Variants in VPS8 observed in about 807,000 individuals in gnomAD.
VPS8 encodes vacuolar protein sorting-associated protein 8 homolog.
A neutral mutation model predicts 216.4 loss-of-function variants in VPS8; 129 were observed. That is an observed-to-expected ratio of 0.60 (90% CI 0.52 to 0.69). The LOEUF (loss-of-function observed/expected upper bound fraction) is 0.69, where lower values mean the gene tolerates loss of function less well. VPS8 is among the 30% of genes least tolerant of loss of function. The pLI is 0.00. For synonymous variants in VPS8, 571 were observed against 565.4 expected, an observed-to-expected ratio of 1.01 and a Z score of -0.14; for missense variants, 1,531 against 1,683.5, an observed-to-expected ratio of 0.91 and a Z score of 1.59.
chr3:185,021,648 A>G (rs1367879076), intron 45 of VPS8, among the ~76,000 whole-genome samples: 1 of 152,208 alleles, frequency 6.6e-6, no homozygotes, highest in African/African-American at 2.4e-5. Context: ...TGTCAAGTCT[A>G]ATTTTTGCAG....
At chr3:184,845,832 A>C (rs1723022401) in intron 8 of VPS8, among the ~76,000 whole-genome samples, 2 of 151,872 alleles carry the variant, frequency 1.3e-5, no homozygotes, top group South Asian at 4.1e-4. Context: ...AAAGTAGATT[A>C]CATTTGTTAC....
In VPS8 at chr3:184,830,523, A is replaced by G. The variant is rs533739468; in HGVS notation, c.223-2166A>G. Among the ~76,000 whole-genome samples, 6 of 152,122 alleles carry G rather than the reference A, an allele frequency of 3.9e-5. No individual in the cohort carries two copies. In the South Asian group the frequency reaches 1.0e-3, roughly 26 times the overall value. On this transcript the variant is annotated intron_variant, in intron 3 of 47. Coordinates refer to ENST00000625842, the MANE Select transcript of VPS8 (RefSeq NM_001009921.3). Reference sequence around the variant, plus strand: ...GAAAGGATTGTGCAGTTTTTTTCACATCAGTTTGGGGATAATTGATACTTT... The same window carrying G: ...GAAAGGATTGTGCAGTTTTTTTCACGTCAGTTTGGGGATAATTGATACTTT...
intron 3 of VPS8, among the ~76,000 whole-genome samples, chr3:184,830,311 A>G (rs1719718718): frequency 6.6e-6 from 1 of 152,230 alleles, no homozygotes; most frequent in South Asian, 2.1e-4. Context: ...TCGATCTCAC[A>G]TTCTAGTGAT....
In VPS8 at chr3:184,990,601, A is replaced by G. The variant is rs376457853; in HGVS notation, c.3586-3382A>G. ...TCATGTATCTCATGAGAAAAGTGCC[A>G]CTCAGAAAGATCAAATAATTTGTCT... is the stretch of plus-strand genomic sequence containing the variant. On this transcript the variant is annotated intron_variant, in intron 42 of 47. Transcript: ENST00000625842. Among the ~76,000 whole-genome samples the G allele has an allele frequency of 3.0e-4, 45 of 152,334 alleles. No individual in the cohort carries two copies. In the South Asian group the frequency reaches 9.3e-3, roughly 32 times the overall value.
chr3:184,957,792 T>A (rs1745862379), intron 37 of VPS8, among the ~76,000 whole-genome samples: 1 of 152,132 alleles, frequency 6.6e-6, no homozygotes, highest in Non-Finnish European at 1.5e-5. Context: ...AAACTGTATT[T>A]TAACAAAGAG....
chr3:185,012,751 T>C (rs1755202599), intron 45 of VPS8, among the ~76,000 whole-genome samples: 1 of 152,054 alleles, frequency 6.6e-6, no homozygotes, highest in South Asian at 2.1e-4. Context: ...GTATGTGACA[T>C]TCCTTGCCAA....
At chr3:184,914,403 A>T (rs1221194743) in intron 26 of VPS8, among the ~76,000 whole-genome samples, 1 of 152,218 alleles carries the variant, frequency 6.6e-6, no homozygotes, top group East Asian at 1.9e-4. Flanking sequence ...TGTTCAGATG[A>T]CATTTGTAGT....
At chr3:184,940,382 TACAC>T in intron 36 of VPS8, 139 bp downstream of exon 36, 1 of 269,564 alleles carries the variant, frequency 3.7e-6, no homozygotes, top group Middle Eastern at 1.3e-3. Flanking sequence ...GAGCAACTGT[TACAC>T]AGATAATGTG....
chr3:184,936,561 G>GTGTGTGTGTGT (rs1741672503), intron 35 of VPS8, among the ~76,000 whole-genome samples: 3 of 147,762 alleles, frequency 2.0e-5, no homozygotes, highest in South Asian at 2.2e-4. Context: ...GTGTGTGTGT[G>GTGTGTGTGTGT]GTTGGGAGCA....
intron 45 of VPS8, among the ~76,000 whole-genome samples, chr3:185,002,541 C>T (rs1217818143): frequency 6.6e-6 from 1 of 152,068 alleles, no homozygotes; most frequent in Non-Finnish European, 1.5e-5. Flanking sequence ...TTTTGGTGCA[C>T]CCATCACCCA....
chr3:184,848,564 C>CTTTTTTTTTTTTTTTTTTTTTTTT (rs35715889), intron 8 of VPS8, among the ~76,000 whole-genome samples: 1 of 87,204 alleles, frequency 1.1e-5, no homozygotes, highest in Non-Finnish European at 2.2e-5. Flanking sequence ...TTCCTGTATT[C>CTTTTTTTTTTTTTTTTTTTTTTTT]TTTTTTTTTT....
chr3:184,936,582 G>T (rs1741683122), intron 35 of VPS8, among the ~76,000 whole-genome samples: 1 of 135,988 alleles, frequency 7.4e-6, no homozygotes. Flanking sequence ...GTTGTATGAT[G>T]ATCTCTTAGT....
At chr3:184,964,811 T>TAC (rs1308016855) in intron 38 of VPS8, among the ~76,000 whole-genome samples, 1 of 152,220 alleles carries the variant, frequency 6.6e-6, no homozygotes, top group Non-Finnish European at 1.5e-5. Flanking sequence ...TTTATATATA[T>TAC]ACCACAATCT....
chr3:184,872,059 CAT>C (rs1326678524), intron 21 of VPS8, among the ~76,000 whole-genome samples: 2 of 152,054 alleles, frequency 1.3e-5, no homozygotes, highest in East Asian at 3.9e-4. Flanking sequence ...AGGAAGAAGA[CAT>C]ATGGTAGAAA....
At chr3:184,948,236 A>T (rs201721530) in intron 36 of VPS8, among the ~76,000 whole-genome samples, 20 of 107,340 alleles carry the variant, frequency 1.9e-4, no homozygotes, top group African/African-American at 5.9e-4. Context: ...TTTTTTTTTT[A>T]AATCTGCTTT....
At chr3:184,989,906 A>G (rs1045205302) in intron 42 of VPS8, among the ~76,000 whole-genome samples, 2 of 151,998 alleles carry the variant, frequency 1.3e-5, no homozygotes, top group African/African-American at 4.8e-5. Flanking sequence ...ACCTGTCTCT[A>G]CTAAAAATAC....
chr3:184,972,974 A>G (rs16859422), intron 40 of VPS8, among the ~76,000 whole-genome samples: 6,596 of 152,298 alleles, frequency 0.043, 456 homozygotes, highest in African/African-American at 0.15. Context: ...ACAATAAATC[A>G]TGGCATATTT....
chr3:184,940,137 G>T, intron 35 of VPS8, 60 bp from the exon 36 acceptor site: 1 of 1,037,874 alleles, frequency 9.6e-7, no homozygotes, highest in Non-Finnish European at 1.4e-6. Context: ...TCTTTACCAT[G>T]GAATATTTGA....
intron 21 of VPS8, among the ~76,000 whole-genome samples, chr3:184,874,503 A>G (rs1728902440): frequency 6.6e-6 from 1 of 152,206 alleles, no homozygotes; most frequent in Non-Finnish European, 1.5e-5. Context: ...AGAAAGTGCA[A>G]TCAAAATCAT....
Sources: gnomAD v4.1 joint callset for allele counts (sites outside exome capture counted in the v4.1 genomes callset) on GRCh38, gnomAD v4.1.1 for gene constraint, MANE v1.5 for transcripts, NCBI Gene and HGNC (gene_info 2026-07-23, HGNC 2026-07-21) for gene names.